The following CNTNAP2 variants were observed in gnomAD, a reference collection of about 807,000 sequenced individuals.
CNTNAP2 encodes contactin-associated protein-like 2.
CNTNAP2 carries 98 observed loss-of-function variants against 155.2 expected under a neutral mutation model. The ratio of observed to expected loss-of-function variants is 0.63; its 90% confidence interval spans 0.54 to 0.75. The LOEUF (loss-of-function observed/expected upper bound fraction) is 0.75, where lower values mean the gene tolerates loss of function less well. CNTNAP2 is among the 30% of genes least tolerant of loss of function. The pLI is 0.00. For synonymous variants in CNTNAP2, 651 were observed against 631.2 expected, an observed-to-expected ratio of 1.03 and a Z score of -0.47; for missense variants, 1,727 against 1,688.1, an observed-to-expected ratio of 1.02 and a Z score of -0.40.
chr7:146,749,330 C>T (rs996652284), intron 1 of CNTNAP2, among the ~76,000 whole-genome samples: 3 of 151,998 alleles, frequency 2.0e-5, no homozygotes, highest in African/African-American at 2.4e-5. Flanking sequence ...TGCTAGTGAA[C>T]GTAAAGAAAG....
At position 146,555,354 on chromosome 7, in the gene CNTNAP2, TATCTA is replaced by T. The variant is rs545818691; in HGVS notation, c.98-218907_98-218903del. ...CTAACATAAGACTTTATCTATTATC[TATCTA>T]ATCTAATCTTTTATTCTATCCATCT... is the stretch of plus-strand genomic sequence containing the variant. On this transcript the variant is annotated intron_variant, in intron 1 of 23. Coordinates refer to ENST00000361727, the MANE Select transcript of CNTNAP2 (RefSeq NM_014141.6). 4.8e-4 allele frequency among the ~76,000 whole-genome samples: 73 copies of T among 152,250 alleles called. 1 individual carries two copies. The highest frequency in any genetic ancestry group is 3.2e-3 in the Admixed American group (49 of 15,296).
intron 12 of CNTNAP2, among the ~76,000 whole-genome samples, chr7:147,588,602 A>G (rs1366978299): frequency 6.6e-6 from 1 of 152,124 alleles, no homozygotes; most frequent in Admixed American, 6.6e-5. Flanking sequence ...CTCTATATTG[A>G]TATAATAATT....
chr7:147,639,258 C>A lies in CNTNAP2; in HGVS notation c.2050C>A (p.Gln684Lys). 2.5e-6 allele frequency: 4 copies of A among 1,614,126 alleles called. No individual in the cohort carries two copies. The highest frequency in any genetic ancestry group is 3.4e-6 in the Non-Finnish European group (4 of 1,180,008). The change falls in exon 13 of 24, where the codon CAG becomes AAG. Residue 684 changes from glutamine (Q) to lysine (K), a missense_variant. Coordinates refer to ENST00000361727, the MANE Select transcript of CNTNAP2 (RefSeq NM_014141.6). ...CACTGACAGTGCCGAGTACTGCGAG[C>A]AGTATGTCTCCTATTTCTGCAAGAT... ...AITDSAEYCE[Q>K]YVSYFCKMSR...
intron 1 of CNTNAP2, among the ~76,000 whole-genome samples, chr7:146,694,272 T>C (rs1800746506): frequency 6.6e-6 from 1 of 152,200 alleles, no homozygotes; most frequent in African/African-American, 2.4e-5. Flanking sequence ...AACAATACTT[T>C]TCATTTTGTG....
At chr7:147,207,262 T>G (rs1241930030) in intron 8 of CNTNAP2, among the ~76,000 whole-genome samples, 1 of 152,052 alleles carries the variant, frequency 6.6e-6, no homozygotes, top group East Asian at 1.9e-4. Flanking sequence ...AATGCAAGAA[T>G]GGAAAAAATA....
chr7:146,885,881 A>C (rs1349440677), intron 3 of CNTNAP2, among the ~76,000 whole-genome samples: 1 of 150,656 alleles, frequency 6.6e-6, no homozygotes, highest in African/African-American at 2.4e-5. Flanking sequence ...ACAGGATAGA[A>C]CTTGTCGTGT....
In CNTNAP2 at chr7:148,301,307, AT is replaced by A. The variant is rs1315486387; in HGVS notation, c.3475+34182del. On this transcript the variant is annotated intron_variant, in intron 21 of 23. Transcript: ENST00000361727. ...AGACTCCGTCTAAAAAAAAAAAAAA[AT>A]ATATATATATATATAGGTTAAAATG... Among the ~76,000 whole-genome samples, 20 of 30,812 alleles carry A rather than the reference AT, an allele frequency of 6.5e-4. 1 individual carries two copies. Among genetic ancestry groups the A allele is most frequent in the African/African-American group, 1.8e-3 (16 of 9,130 alleles). 20.2% of individuals were successfully genotyped at this position (30,812 alleles called of 152,430 possible).
intron 11 of CNTNAP2, among the ~76,000 whole-genome samples, chr7:147,497,616 A>G (rs1798731393): frequency 6.6e-6 from 1 of 152,250 alleles, no homozygotes. Flanking sequence ...AAAGGAATTC[A>G]GAGCTCTAGA....
At chr7:146,646,829 G>A (rs984912070) in intron 1 of CNTNAP2, among the ~76,000 whole-genome samples, 11 of 152,220 alleles carry the variant, frequency 7.2e-5, no homozygotes, top group Admixed American at 6.5e-4. Context: ...GTGCCAGAAA[G>A]AAGGTGTCAA....
intron 11 of CNTNAP2, among the ~76,000 whole-genome samples, chr7:147,538,512 A>T (rs1799586969): frequency 6.6e-6 from 1 of 151,954 alleles, no homozygotes. Flanking sequence ...TTAGCCCATG[A>T]GGTGGCACGC....
chr7:146,420,553 G>T (rs1480404095), intron 1 of CNTNAP2, among the ~76,000 whole-genome samples: 1 of 152,002 alleles, frequency 6.6e-6, no homozygotes, highest in African/African-American at 2.4e-5. Context: ...AATAAACTAG[G>T]TATGGCAGTA....
At chr7:147,908,410 T>A (rs117451199) in intron 14 of CNTNAP2, among the ~76,000 whole-genome samples, 1,672 of 152,220 alleles carry the variant, frequency 0.011, 86 homozygotes, top group Admixed American at 0.091. Flanking sequence ...ACTTTGTCAG[T>A]AGGGGAAAAT....
At chr7:147,195,382 T>C (rs1013985793) in intron 8 of CNTNAP2, among the ~76,000 whole-genome samples, 1 of 152,180 alleles carries the variant, frequency 6.6e-6, no homozygotes, top group African/African-American at 2.4e-5. Flanking sequence ...TCTTTTTGCT[T>C]AGGATTGTCT....
chr7:146,276,663 T>C (rs1288229322), intron 1 of CNTNAP2, among the ~76,000 whole-genome samples: 2 of 152,096 alleles, frequency 1.3e-5, no homozygotes, highest in Admixed American at 6.5e-5. Flanking sequence ...ACAGGCACCA[T>C]GAAAGAGCTG....
At chr7:147,609,910 A>G (rs1310257719) in intron 12 of CNTNAP2, among the ~76,000 whole-genome samples, 3 of 151,972 alleles carry the variant, frequency 2.0e-5, no homozygotes, top group Non-Finnish European at 4.4e-5. Flanking sequence ...GGAAAGACAA[A>G]TGGCCCAGAG....
At chr7:146,958,363 A>T (rs865789684) in intron 3 of CNTNAP2, among the ~76,000 whole-genome samples, 39 of 151,626 alleles carry the variant, frequency 2.6e-4, no homozygotes, top group African/African-American at 8.2e-4. Context: ...AATTTTTTTT[A>T]AAACTACGCT....
intron 21 of CNTNAP2, among the ~76,000 whole-genome samples, chr7:148,277,347 G>T (rs1021552807): frequency 1.3e-5 from 2 of 152,022 alleles, no homozygotes; most frequent in Non-Finnish European, 2.9e-5. Flanking sequence ...CTGCCATCCT[G>T]CCCTTTGCTT....
intron 1 of CNTNAP2, among the ~76,000 whole-genome samples, chr7:146,254,348 A>T (rs995612771): frequency 6.6e-6 from 1 of 152,256 alleles, no homozygotes; most frequent in Non-Finnish European, 1.5e-5. Flanking sequence ...TCAATAAAAT[A>T]ATGCATTTTA....
intron 11 of CNTNAP2, among the ~76,000 whole-genome samples, chr7:147,524,077 C>T (rs1432529933): frequency 1.3e-5 from 2 of 152,210 alleles, no homozygotes; most frequent in East Asian, 1.9e-4. Flanking sequence ...ACTGATAAAA[C>T]TTCGGGTCAG....
Sources: gnomAD v4.1 joint callset for allele counts (sites outside exome capture counted in the v4.1 genomes callset) on GRCh38, gnomAD v4.1.1 for gene constraint, MANE v1.5 for transcripts, NCBI Gene and HGNC (gene_info 2026-07-23, HGNC 2026-07-21) for gene names.